BMPR1A: variants seen among roughly 807,000 people sequenced by gnomAD.
The protein encoded by BMPR1A is bone morphogenetic protein receptor type 1A.
In BMPR1A, 7 loss-of-function variants were observed where a neutral mutation model predicts 66.0. That is an observed-to-expected ratio of 0.11 (90% CI 0.06 to 0.20). The LOEUF is 0.20. Among genes scored for constraint, BMPR1A ranks in the 10% least tolerant of loss-of-function variants. The pLI is 1.00. For missense variants in BMPR1A, 408 were observed against 669.1 expected, an observed-to-expected ratio of 0.61 and a Z score of 4.31; for synonymous variants, 200 against 229.7, an observed-to-expected ratio of 0.87 and a Z score of 1.17.
intron 2 of BMPR1A, among the ~76,000 whole-genome samples, chr10:86,861,771 T>C (rs774711746): frequency 5.9e-5 from 9 of 152,218 alleles, no homozygotes; most frequent in Non-Finnish European, 1.2e-4. Flanking sequence ...AGGATATCCA[T>C]GAAAACAGCG....
At chr10:86,888,185 C>G (rs1038412592) in intron 3 of BMPR1A, among the ~76,000 whole-genome samples, 12 of 150,748 alleles carry the variant, frequency 8.0e-5, no homozygotes, top group Admixed American at 2.0e-4. Context: ...CTCTCCTGGC[C>G]GGGCACGGTG....
intron 1 of BMPR1A, among the ~76,000 whole-genome samples, chr10:86,793,005 C>T (rs1475050170): frequency 6.6e-6 from 1 of 152,018 alleles, no homozygotes; most frequent in Non-Finnish European, 1.5e-5. Context: ...GTTTAATAGC[C>T]CACTGCTTTG....
chr10:86,780,474 G>A (rs754811867), intron 1 of BMPR1A, among the ~76,000 whole-genome samples: 1 of 151,564 alleles, frequency 6.6e-6, no homozygotes, highest in Admixed American at 6.6e-5. Flanking sequence ...TTGCTCTGTC[G>A]CTCAGGCTGG....
chr10:86,805,651 C>T (rs1437193493), intron 1 of BMPR1A, among the ~76,000 whole-genome samples: 2 of 151,792 alleles, frequency 1.3e-5, no homozygotes, highest in Admixed American at 6.6e-5. Flanking sequence ...TTAGTAGAGA[C>T]GGGGTTTTGC....
intron 1 of BMPR1A, among the ~76,000 whole-genome samples, chr10:86,809,553 C>T (rs897399023): frequency 6.6e-6 from 1 of 150,924 alleles, no homozygotes; most frequent in Non-Finnish European, 1.5e-5. Flanking sequence ...CTCAGTCTTC[C>T]AAAGTCCGGG....
intron 1 of BMPR1A, among the ~76,000 whole-genome samples, chr10:86,812,763 A>G (rs1020795195): frequency 6.6e-6 from 1 of 152,136 alleles, no homozygotes; most frequent in Non-Finnish European, 1.5e-5. Context: ...CCCCCACTAG[A>G]GTGGCACATT....
intron 1 of BMPR1A, among the ~76,000 whole-genome samples, chr10:86,830,645 T>C (rs997118442): frequency 1.3e-5 from 2 of 151,998 alleles, no homozygotes; most frequent in Non-Finnish European, 2.9e-5. Context: ...AAAATGTCTT[T>C]ATATTTCTTG....
intron 1 of BMPR1A, among the ~76,000 whole-genome samples, chr10:86,765,314 C>G (rs551643778): frequency 6.6e-6 from 1 of 151,798 alleles, no homozygotes; most frequent in Admixed American, 6.6e-5. Context: ...GGTGAAACCC[C>G]ATCTCCACTA....
At position 86,771,905 on chromosome 10, in the gene BMPR1A, C is replaced by T. The variant is rs1234400314; in HGVS notation, c.-268+14986C>T. ...TTGACCTCCCAAAGTGCTGGGATTA[C>T]AGCTGTGAGCCACTGTGCCTGGCTC... On this transcript the variant is annotated intron_variant, in intron 1 of 12. Transcript: ENST00000372037. Among the ~76,000 whole-genome samples, 4 of 152,076 alleles carry T rather than the reference C, an allele frequency of 2.6e-5. No individual in the cohort carries two copies. The South Asian group carries it at 6.2e-4, about 24-fold the overall frequency.
intron 1 of BMPR1A, among the ~76,000 whole-genome samples, chr10:86,810,154 A>ATT (rs201899071): frequency 0.013 from 2,031 of 151,694 alleles, 40 homozygotes; most frequent in African/African-American, 0.047. Flanking sequence ...TATTATTATT[A>ATT]TTTTTTAGTA....
At position 86,900,011 on chromosome 10, in the gene BMPR1A, T is replaced by G; in HGVS notation, c.431-16T>G. On this transcript the variant is annotated splice_polypyrimidine_tract_variant and intron_variant, in intron 6 of 12. Transcript: ENST00000372037. ...TTTTCATTTCAATTGTTTACATTGT[T>G]TACTTTTATTGTCAGGTCCGTTTTT... The G allele has an allele frequency of 6.2e-7, 1 of 1,614,006 alleles. No homozygotes were observed. The highest frequency in any genetic ancestry group is 8.5e-7 in the Non-Finnish European group (1 of 1,179,874).
Position 86,924,027 on chromosome 10 carries a change from G to C in BMPR1A, c.*308G>C, listed in dbSNP as rs1843706983. The C allele has an allele frequency of 2.3e-6, 1 of 442,146 alleles. No homozygotes were observed. The highest frequency in any genetic ancestry group is 2.0e-5 in the African/African-American group (1 of 51,106). 27.4% of individuals were successfully genotyped at this position (442,146 alleles called of 1,614,324 possible). The stretch of plus-strand genomic sequence containing the variant: ...TGATTAGTGTCTCCAGTCAAGCTCT[G>C]GGTACTGAATTGCCTGTTCATAAAA... On this transcript the variant is annotated 3_prime_UTR_variant, in exon 13 of 13. Transcript: ENST00000372037.
At chr10:86,901,162 G>A (rs1843303583) in intron 7 of BMPR1A, among the ~76,000 whole-genome samples, 1 of 152,216 alleles carries the variant, frequency 6.6e-6, no homozygotes, top group South Asian at 2.1e-4. Context: ...CCTGCAGCCT[G>A]TCGGCCTTGG....
At chr10:86,864,524 C>T (rs948595014) in intron 2 of BMPR1A, among the ~76,000 whole-genome samples, 5 of 152,172 alleles carry the variant, frequency 3.3e-5, no homozygotes, top group South Asian at 2.1e-4. Flanking sequence ...AACTCCGAGG[C>T]CTTGACTTAC....
intron 8 of BMPR1A, among the ~76,000 whole-genome samples, chr10:86,913,144 C>T (rs1206827781): frequency 2.6e-5 from 4 of 151,788 alleles, no homozygotes; most frequent in Admixed American, 6.6e-5. Context: ...TTAATCGTAT[C>T]GAGATAGTCT....
chr10:86,921,723 G>A lies in BMPR1A; in HGVS notation c.1342+28G>A, dbSNP rs758687600. 4 of 1,613,866 alleles carry A rather than the reference G, an allele frequency of 2.5e-6. No individual in the cohort carries two copies. The South Asian group carries it at 4.4e-5, about 18-fold the overall frequency. On this transcript the variant is annotated intron_variant, in intron 11 of 12. Coordinates refer to ENST00000372037, the MANE Select transcript of BMPR1A (RefSeq NM_004329.3). ...GGGAGTTTGAGTAGTTTCTGATTAT[G>A]TTGATTTACTCATCATTTTAAAAAT... is the stretch of plus-strand genomic sequence containing the variant.
chr10:86,842,283 G>A (rs1842435051), intron 2 of BMPR1A, among the ~76,000 whole-genome samples: 1 of 152,104 alleles, frequency 6.6e-6, no homozygotes, highest in South Asian at 2.1e-4. Flanking sequence ...TCACACATTT[G>A]GTAAGAAAAG....
At chr10:86,757,232 A>G (rs2132557304) in intron 1 of BMPR1A, among the ~76,000 whole-genome samples, 1 of 152,148 alleles carries the variant, frequency 6.6e-6, no homozygotes, top group African/African-American at 2.4e-5. Flanking sequence ...TAAATGGGAA[A>G]GGCGCTCACC....
chr10:86,929,359 G>A (rs1843787000), downstream of BMPR1A: 1 of 152,214 alleles, frequency 6.6e-6, no homozygotes, highest in Admixed American at 6.6e-5. Context: ...CTGCTGCAAT[G>A]GGAAGTGAAG....
Sources: allele counts gnomAD v4.1 joint callset (sites outside exome capture counted in the v4.1 genomes callset), GRCh38; gene constraint gnomAD v4.1.1; transcripts MANE v1.5; gene names NCBI Gene and HGNC (gene_info 2026-07-23, HGNC 2026-07-21).